The following ABCC10 variants were observed in gnomAD, a reference collection of about 807,000 sequenced individuals.
ABCC10 encodes the protein ATP binding cassette subfamily C member 10.
Under a neutral mutation model 143.2 loss-of-function variants are expected in ABCC10, and 110 were observed. The ratio of observed to expected loss-of-function variants is 0.77; its 90% confidence interval spans 0.66 to 0.90. ABCC10 has a LOEUF of 0.90. ABCC10 is among the 40% of genes least tolerant of loss of function. The pLI is 0.00. For synonymous variants in ABCC10, 805 were observed against 846.7 expected, an observed-to-expected ratio of 0.95 and a Z score of 0.85; for missense variants, 1,700 against 1,900.5, an observed-to-expected ratio of 0.89 and a Z score of 1.96.
intron 7 of ABCC10, 80 bp from the exon 8 acceptor site, chr6:43,438,544 G>T: frequency 6.5e-7 from 1 of 1,543,636 alleles, no homozygotes; most frequent in South Asian, 1.2e-5. Context: ...AGCCTGGGGA[G>T]GCTTCTAGGA....
In ABCC10 at chr6:43,432,591, T is replaced by A. The variant is rs1414029050; in HGVS notation, c.611T>A (p.Leu204His). 2 of 1,613,764 alleles carry A rather than the reference T, an allele frequency of 1.2e-6. No individual in the cohort carries two copies. The highest frequency in any genetic ancestry group is 3.3e-5 in the Admixed American group (2 of 60,026). ...CGAGAACCCTGGGCTCAGGAGCCCC[T>A]CCTGCCCGAGGATCAAGAACCTGAG... ...GPREPWAQEP[L>H]LPEDQEPEVA... The change falls in exon 3 of 22, where the codon CTC becomes CAC. Residue 204 changes from leucine (L) to histidine (H), a missense_variant. Transcript: ENST00000372530.
intron 8 of ABCC10, among the ~76,000 whole-genome samples, chr6:43,440,474 A>C (rs1307328650): frequency 1.3e-5 from 2 of 151,976 alleles, no homozygotes; most frequent in African/African-American, 4.8e-5. Flanking sequence ...GAAAGCAATG[A>C]ATGATTGGCC....
chr6:43,429,528 G>A (rs769603559), intron 2 of ABCC10, among the ~76,000 whole-genome samples: 10 of 151,898 alleles, frequency 6.6e-5, no homozygotes, highest in African/African-American at 1.2e-4. Context: ...AACCTCCTGG[G>A]CTCCAGCAAC....
intron 18 of ABCC10, 197 bp downstream of exon 18, chr6:43,448,134 G>C (rs975456508): frequency 1.2e-6 from 1 of 867,100 alleles, no homozygotes; most frequent in African/African-American, 1.7e-5. Context: ...GTGATCTCAA[G>C]GTCTTCCTCG....
intron 4 of ABCC10, among the ~76,000 whole-genome samples, chr6:43,435,550 C>T (rs980519688): frequency 6.6e-6 from 1 of 152,074 alleles, no homozygotes; most frequent in East Asian, 1.9e-4. Flanking sequence ...AAAATGCAAC[C>T]TGAATCCCTT....
intron 3 of ABCC10, 120 bp downstream of exon 3, chr6:43,433,480 T>C (rs1280360811): frequency 1.4e-6 from 2 of 1,425,446 alleles, no homozygotes; most frequent in Admixed American, 5.7e-5. Context: ...GAGCTGAGAC[T>C]GGAGAAAGGT....
In ABCC10 at chr6:43,432,610, A is replaced by T; in HGVS notation, c.630A>T (p.Glu210Asp). Residue 210 changes from glutamate (E) to aspartate (D), a missense_variant, in exon 3 of 22, where the codon GAA (glutamate) becomes GAT (aspartate). By Grantham distance (45) the Glu-to-Asp change is conservative. Coordinates refer to ENST00000372530, the MANE Select transcript of ABCC10 (RefSeq NM_001198934.2). ...AGCCCCTCCTGCCCGAGGATCAAGA[A>T]CCTGAGGTGGCTGAAGATGGGGAGA... is the stretch of plus-strand genomic sequence containing the variant. ...AQEPLLPEDQ[E>D]PEVAEDGESW... 1.9e-6 allele frequency: 3 copies of T among 1,613,854 alleles called. No individual in the cohort carries two copies. The South Asian group carries it at 3.3e-5, about 18-fold the overall frequency.
intron 11 of ABCC10, 64 bp downstream of exon 11, chr6:43,444,074 C>T: frequency 6.2e-7 from 1 of 1,608,610 alleles, no homozygotes; most frequent in Non-Finnish European, 8.5e-7. Context: ...GCTTTTTCTA[C>T]AACGGCTGCC....
chr6:43,436,912 G>T (rs1322127462), intron 6 of ABCC10, among the ~76,000 whole-genome samples: 1 of 152,166 alleles, frequency 6.6e-6, no homozygotes, highest in East Asian at 1.9e-4. Context: ...GGCTAGATTT[G>T]TACAAAGGAA....
chr6:43,445,842 C>T lies in ABCC10; in HGVS notation c.3274C>T (p.Leu1092=). The T allele has an allele frequency of 6.2e-7, 1 of 1,614,142 alleles. No homozygotes were observed. Among genetic ancestry groups the T allele is most frequent in the Non-Finnish European group, 8.5e-7 (1 of 1,180,044 alleles). ...CCACTACAGGGCCTCCTCACGGGAG[C>T]TGCGGCGCCTGGGCAGCCTCACCCT... ...QRHYRASSRE[L]RRLGSLTLSP... is the part of the protein sequence containing the mutation. The change falls in exon 15 of 22, where the codon CTG becomes TTG. Residue 1092 remains leucine, a synonymous_variant. Transcript: ENST00000372530.
chr6:43,437,979 T>C lies in ABCC10; in HGVS notation c.1921T>C (p.Ser641Pro). 6.2e-7 allele frequency: 1 copy of C among 1,613,320 alleles called. No individual in the cohort carries two copies. Among genetic ancestry groups the C allele is most frequent in the Non-Finnish European group, 8.5e-7 (1 of 1,179,778 alleles). Residue 641 changes from serine to proline, a missense_variant, in exon 7 of 22, where the codon TCC (serine) becomes CCC (proline). Transcript: ENST00000372530. ...IVGKVGCGKSSLLAAIAGELH... is the reference protein window; with the variant it reads ...IVGKVGCGKSPLLAAIAGELH... Reference sequence around the variant, plus strand: ...GGGGAAGGTCGGCTGTGGGAAGAGCTCCCTGCTGGCTGCCATCGCTGGAGA... The same window carrying C: ...GGGGAAGGTCGGCTGTGGGAAGAGCCCCCTGCTGGCTGCCATCGCTGGAGA...
chr6:43,435,900 C>T lies in ABCC10; in HGVS notation c.1758C>T (p.Tyr586=), dbSNP rs972262742. 3.1e-6 allele frequency: 5 copies of T among 1,614,132 alleles called. No homozygotes were observed. The South Asian group carries it at 4.4e-5, about 14-fold the overall frequency. ...DLPNHNPQAY[Y]SPDPPAEPST... is the part of the protein sequence containing the mutation. ...CAAACCACAACCCCCAGGCCTACTA[C>T]AGCCCAGGTAATGGGAAGCTAGTGG... The change falls in exon 5 of 22, where the codon TAC becomes TAT. Residue 586 remains tyrosine, a synonymous_variant. Transcript: ENST00000372530.
At chr6:43,449,782 C>T in intron 21 of ABCC10, 147 bp from the exon 22 acceptor site, 1 of 966,604 alleles carries the variant, frequency 1.0e-6, no homozygotes, top group Non-Finnish European at 1.5e-6. Flanking sequence ...AGGGACTCTG[C>T]AGTCCCTTCC....
intron 6 of ABCC10, among the ~76,000 whole-genome samples, chr6:43,437,643 C>T (rs1027522921): frequency 6.6e-6 from 1 of 152,096 alleles, no homozygotes; most frequent in East Asian, 1.9e-4. Context: ...CTTGGAAGTT[C>T]TTGGGTGGTT....
Position 43,447,680 on chromosome 6 carries a change from C to G in ABCC10, c.3706-4C>G, listed in dbSNP as rs1156575416. 2.5e-6 allele frequency: 4 copies of G among 1,613,866 alleles called. No homozygotes were observed. The highest frequency in any genetic ancestry group is 1.7e-5 in the Admixed American group (1 of 60,006). ...GTCTGTCTCCCACCCATGGACCCCA[C>G]CAGCTGGGCACCGGCTGGCTGACCC... On this transcript the variant is annotated splice_region_variant and splice_polypyrimidine_tract_variant and intron_variant, in intron 17 of 21. Coordinates refer to ENST00000372530, the MANE Select transcript of ABCC10 (RefSeq NM_001198934.2).
chr6:43,450,121 C>G lies in ABCC10; in HGVS notation c.*30C>G. 6.4e-7 allele frequency: 1 copy of G among 1,562,944 alleles called. No homozygotes were observed. The highest frequency in any genetic ancestry group is 8.7e-7 in the Non-Finnish European group (1 of 1,151,914). On this transcript the variant is annotated 3_prime_UTR_variant, in exon 22 of 22. Transcript: ENST00000372530. This position sits in a 1 kb window ranked among gnomAD's most constrained non-coding sequence, Gnocchi z 4.5. ...AATCCCACACCCTGCAGAGTTCTCC[C>G]CTCTCTCTGATCCAGGCCGGGCCTA... is the stretch of plus-strand genomic sequence containing the variant.
chr6:43,437,278 G>T (rs1367532585), intron 6 of ABCC10, among the ~76,000 whole-genome samples: 2 of 152,030 alleles, frequency 1.3e-5, no homozygotes, highest in African/African-American at 4.8e-5. Flanking sequence ...CTCAGAAGTG[G>T]TGCCCACTTG....
At chr6:43,434,978 A>G (rs761113350) in intron 4 of ABCC10, 130 bp downstream of exon 4, 49 of 941,446 alleles carry the variant, frequency 5.2e-5, no homozygotes, top group Non-Finnish European at 7.2e-5. Flanking sequence ...AACCAAGGGA[A>G]AACTGAAGAA....
chr6:43,444,608 C>T (rs979928444), intron 12 of ABCC10, among the ~76,000 whole-genome samples, 180 bp from the exon 13 acceptor site: 3 of 152,230 alleles, frequency 2.0e-5, no homozygotes, highest in African/African-American at 4.8e-5. Flanking sequence ...TGAAGGGTGA[C>T]GGGCCTATGA....
Sources: allele counts gnomAD v4.1 joint callset (sites outside exome capture counted in the v4.1 genomes callset), GRCh38; gene constraint gnomAD v4.1.1; non-coding constraint Gnocchi (gnomAD v3.1); transcripts MANE v1.5; gene names NCBI Gene and HGNC (gene_info 2026-07-23, HGNC 2026-07-21).